Variants in CSMD3 observed in about 807,000 individuals in gnomAD.
The protein encoded by CSMD3 is CUB and sushi domain-containing protein 3.
A neutral mutation model predicts 435.2 loss-of-function variants in CSMD3; 177 were observed. The ratio of observed to expected loss-of-function variants is 0.41; its 90% CI spans 0.36 to 0.46. The LOEUF is 0.46. Among genes scored for constraint, CSMD3 ranks in the 20% least tolerant of loss-of-function variants. CSMD3 has a pLI of 0.34. For synonymous variants in CSMD3, 1,656 were observed against 1,520.5 expected (o/e 1.09, Z -2.07); for missense variants, 4,265 against 4,504.6 (o/e 0.95, Z 1.52).
At chr8:112,652,907 G>A (rs891873525) in intron 18 of CSMD3, among the ~76,000 whole-genome samples, 1 of 151,988 alleles carries the variant, frequency 6.6e-6, no homozygotes, top group East Asian at 1.9e-4. Flanking sequence ...TCGCTTCCTG[G>A]GTTCAAGCAA....
At chr8:112,423,599 A>G (rs952622294) in intron 32 of CSMD3, among the ~76,000 whole-genome samples, 6 of 152,072 alleles carry the variant, frequency 3.9e-5, no homozygotes, top group African/African-American at 1.4e-4. Context: ...ATATGCCACC[A>G]TGCCTGGCTA....
At chr8:113,011,080 C>A (rs550663916) in intron 6 of CSMD3, among the ~76,000 whole-genome samples, 26 of 151,668 alleles carry the variant, frequency 1.7e-4, no homozygotes, top group African/African-American at 6.0e-4. Context: ...ATGATGTCCT[C>A]TAATAATTCT....
intron 35 of CSMD3, among the ~76,000 whole-genome samples, chr8:112,392,482 CCAG>C (rs1256611881): frequency 6.6e-6 from 1 of 151,860 alleles, no homozygotes; most frequent in African/African-American, 2.4e-5. Flanking sequence ...AAATAGAAAA[CCAG>C]CAGTTTTGCA....
chr8:112,899,601 A>T (rs11996492), intron 10 of CSMD3, among the ~76,000 whole-genome samples: 15 of 10,664 alleles, frequency 1.4e-3, no homozygotes, highest in East Asian at 0.04. Context: ...TGTCTATTTT[A>T]TATATATATA....
intron 3 of CSMD3, among the ~76,000 whole-genome samples, chr8:113,269,797 T>G (rs893367516): frequency 3.9e-5 from 6 of 152,068 alleles, no homozygotes; most frequent in African/African-American, 1.2e-4. Flanking sequence ...CCTTACACCT[T>G]ATACAAAAAT....
chr8:113,114,751 G>T (rs987309640), intron 4 of CSMD3, among the ~76,000 whole-genome samples: 1 of 152,156 alleles, frequency 6.6e-6, no homozygotes, highest in Non-Finnish European at 1.5e-5. Flanking sequence ...ATTTTTAAAT[G>T]TTCTCTAGGT....
intron 22 of CSMD3, among the ~76,000 whole-genome samples, chr8:112,591,910 T>C (rs747938639): frequency 2.0e-5 from 3 of 152,002 alleles, no homozygotes; most frequent in Non-Finnish European, 2.9e-5. Context: ...TAGGACACCA[T>C]TGATTATAAA....
Position 112,346,115 on chromosome 8 carries a change from T to A in CSMD3, c.6424A>T (p.Asn2142Tyr), listed in dbSNP as rs746159737. 5.0e-6 allele frequency: 8 copies of A among 1,597,538 alleles called. No individual in the cohort carries two copies. The highest frequency in any genetic ancestry group is 6.9e-6 in the Non-Finnish European group (8 of 1,164,952). ...CACATACCAAAACCTATGGGTAGATTTATTGTCCATGTGCAATCTAAACTG... is the reference window on the plus strand; with the variant it reads ...CACATACCAAAACCTATGGGTAGATATATTGTCCATGTGCAATCTAAACTG... ...PSSLDCTWTI[N>Y]LPIGFGVHLQ... Residue 2142 changes from asparagine to tyrosine, a missense_variant, in exon 41 of 71, where the codon AAT becomes TAT. Around this residue, in one of 3 missense-constraint regions of CSMD3, gnomAD observed 3,255 missense variants for 3,380.2 expected, o/e 0.96. Coordinates refer to ENST00000297405, the MANE Select transcript of CSMD3 (RefSeq NM_198123.2).
chr8:113,050,870 T>A (rs1301972845), intron 5 of CSMD3, among the ~76,000 whole-genome samples: 1 of 152,098 alleles, frequency 6.6e-6, no homozygotes, highest in African/African-American at 2.4e-5. Context: ...GATTACCTAT[T>A]CTTTCAACTA....
intron 9 of CSMD3, among the ~76,000 whole-genome samples, chr8:112,927,254 T>G (rs756334781): frequency 2.0e-4 from 31 of 152,008 alleles, no homozygotes; most frequent in Non-Finnish European, 2.6e-4. Flanking sequence ...AAAATTAAGA[T>G]TAGCAAAAAA....
chr8:113,219,729 T>G (rs2092945508), intron 3 of CSMD3, among the ~76,000 whole-genome samples: 1 of 151,474 alleles, frequency 6.6e-6, no homozygotes, highest in Non-Finnish European at 1.5e-5. Context: ...TCCTCTATAC[T>G]GGGTATAGGA....
chr8:112,227,383 C>T (rs1320613806), intron 70 of CSMD3, among the ~76,000 whole-genome samples: 1 of 152,100 alleles, frequency 6.6e-6, no homozygotes, highest in African/African-American at 2.4e-5. Flanking sequence ...TTTGCAGTTA[C>T]CTGCAGCTGG....
At chr8:113,026,515 C>T (rs990167139) in intron 5 of CSMD3, among the ~76,000 whole-genome samples, 3 of 152,150 alleles carry the variant, frequency 2.0e-5, no homozygotes, top group Non-Finnish European at 4.4e-5. Flanking sequence ...TATTACTTTA[C>T]TTAGTGATAA....
rs147399225 is a variant in CSMD3 at position 112,246,574 on chromosome 8, T to C, written c.10222+446A>G. ...AGGAAATTCTAAAATTGTTCTCAAATTTTTGGCCAAGTGCCCATGAATATT... is the reference window on the plus strand; with the variant it reads ...AGGAAATTCTAAAATTGTTCTCAAACTTTTGGCCAAGTGCCCATGAATATT... On this transcript the variant is annotated intron_variant, in intron 64 of 70. Coordinates refer to ENST00000297405, the MANE Select transcript of CSMD3 (RefSeq NM_198123.2). 2.2e-3 allele frequency among the ~76,000 whole-genome samples: 329 copies of C among 152,288 alleles called. 2 individuals carry two copies. The highest frequency in any genetic ancestry group is 3.0e-3 in the Non-Finnish European group (204 of 68,014).
intron 4 of CSMD3, among the ~76,000 whole-genome samples, chr8:113,110,800 G>C (rs2090616200): frequency 6.6e-6 from 1 of 152,042 alleles, no homozygotes; most frequent in South Asian, 2.1e-4. Flanking sequence ...TTACTTCTTG[G>C]TACCAGTTTT....
intron 3 of CSMD3, among the ~76,000 whole-genome samples, 159 bp downstream of exon 3, chr8:113,278,433 G>C (rs1251450440): frequency 6.7e-6 from 1 of 148,876 alleles, no homozygotes; most frequent in African/African-American, 2.4e-5. Flanking sequence ...ACTAAGTATA[G>C]CATTTTACTA....
intron 4 of CSMD3, among the ~76,000 whole-genome samples, chr8:113,146,257 A>G (rs1344265216): frequency 2.6e-5 from 4 of 151,524 alleles, no homozygotes; most frequent in African/African-American, 9.7e-5. Context: ...TGTGTTTGTC[A>G]GCCTCAATGT....
intron 3 of CSMD3, among the ~76,000 whole-genome samples, chr8:113,196,328 G>T (rs1053092427): frequency 3.3e-5 from 5 of 151,244 alleles, no homozygotes; most frequent in African/African-American, 1.2e-4. Context: ...AGACTATTCA[G>T]AAGAAGGGAC....
At chr8:112,464,237 CA>C (rs34572260) in intron 32 of CSMD3, among the ~76,000 whole-genome samples, 1,564 of 81,222 alleles carry the variant, frequency 0.019, 7 homozygotes, top group Middle Eastern at 0.03. Context: ...GACTCTGTTT[CA>C]AAAAAAAAAA....
Sources: allele counts gnomAD v4.1 joint callset (sites outside exome capture counted in the v4.1 genomes callset), GRCh38; gene constraint gnomAD v4.1.1; regional missense constraint gnomAD v4.1.1; transcripts MANE v1.5; gene names NCBI Gene and HGNC (gene_info 2026-07-23, HGNC 2026-07-21).